The following RUNX1T1 variants were observed in gnomAD, a reference collection of about 807,000 sequenced individuals.
RUNX1T1 encodes protein CBFA2T1.
In RUNX1T1, 4 loss-of-function variants were observed where a neutral mutation model predicts 62.8. That is an observed-to-expected ratio of 0.06 (90% CI 0.03 to 0.15). RUNX1T1 has a LOEUF of 0.15. RUNX1T1 is among the 10% of genes least tolerant of loss of function. RUNX1T1 has a pLI of 1.00. For synonymous variants in RUNX1T1, 291 were observed against 286.0 expected, an observed-to-expected ratio of 1.02 and a Z score of -0.18; for missense variants, 508 against 754.3, an observed-to-expected ratio of 0.67 and a Z score of 3.82.
At chr8:92,066,465 T>G (rs1832891541), upstream of RUNX1T1, among the ~76,000 whole-genome samples, 1 of 152,212 alleles carries the variant, frequency 6.6e-6, no homozygotes, top group Admixed American at 6.5e-5. Flanking sequence ...CCAAAGGTTT[T>G]GATTTTCCAC....
chr8:92,067,766 TCA>T (rs1833087447), upstream of RUNX1T1, among the ~76,000 whole-genome samples: 2 of 152,220 alleles, frequency 1.3e-5, no homozygotes, highest in Non-Finnish European at 2.9e-5. Context: ...AGACAAAATA[TCA>T]CACTGAAAGT....
rs373869410 is a variant in RUNX1T1, at chr8:92,056,836, T to C, written c.7+5710A>G. ...TTGAATATATTATTTGCTTTCTAAT[T>C]TTCTACTAATCCAAAACACAGAAAA... On this transcript the variant is annotated intron_variant, in intron 1 of 10. Coordinates refer to ENST00000396218, the Ensembl canonical transcript of RUNX1T1. Among the ~76,000 whole-genome samples the C allele has an allele frequency of 3.3e-5, 5 of 152,270 alleles. No individual in the cohort carries two copies. In the East Asian group the frequency reaches 9.7e-4, roughly 29 times the overall value.
chr8:91,996,332 G>GCTGGGACTAC (rs1304625492), intron 5 of RUNX1T1, among the ~76,000 whole-genome samples: 1 of 152,120 alleles, frequency 6.6e-6, no homozygotes, highest in African/African-American at 2.4e-5. Flanking sequence ...CTCCTGAGTA[G>GCTGGGACTAC]CTGGGACTAC....
intron 9 of RUNX1T1, among the ~76,000 whole-genome samples, chr8:91,972,585 A>G (rs1252226725): frequency 1.3e-5 from 2 of 152,062 alleles, no homozygotes; most frequent in Non-Finnish European, 2.9e-5. Context: ...CCTTCTAACT[A>G]TACAGCCAGG....
chr8:92,012,501 T>C (rs1166450083), intron 3 of RUNX1T1, among the ~76,000 whole-genome samples: 1 of 152,026 alleles, frequency 6.6e-6, no homozygotes, highest in African/African-American at 2.4e-5. Context: ...GCGAATGCAT[T>C]GGGTGACAGA....
intron 1 of RUNX1T1, among the ~76,000 whole-genome samples, chr8:92,021,219 A>G (rs79003897): frequency 3.5e-4 from 54 of 152,346 alleles, no homozygotes; most frequent in African/African-American, 1.0e-3. Context: ...AAGTCCTGTA[A>G]CAGGAAACAG....
chr8:92,025,077 A>G (rs2131254388), intron 1 of RUNX1T1, among the ~76,000 whole-genome samples: 1 of 152,312 alleles, frequency 6.6e-6, no homozygotes, highest in South Asian at 2.1e-4. Context: ...CCCAAATTCT[A>G]GACCCAAACT....
At chr8:92,001,326 T>C (rs954381595) in intron 5 of RUNX1T1, among the ~76,000 whole-genome samples, 1 of 152,096 alleles carries the variant, frequency 6.6e-6, no homozygotes, top group African/African-American at 2.4e-5. Flanking sequence ...GCCCAGGAGT[T>C]TGAGACCAGC....
intron 1 of RUNX1T1, among the ~76,000 whole-genome samples, chr8:92,056,856 A>G (rs1831124772): frequency 6.6e-6 from 1 of 152,222 alleles, no homozygotes; most frequent in Admixed American, 6.5e-5. Flanking sequence ...TCCAAAACAC[A>G]GAAAACCATC....
chr8:92,092,740 T>C (rs954075688), intron 1 of RUNX1T1, among the ~76,000 whole-genome samples: 2 of 152,330 alleles, frequency 1.3e-5, no homozygotes, highest in Non-Finnish European at 1.5e-5. Flanking sequence ...AAACCTCTTT[T>C]ATAGTCAAAC....
At chr8:91,968,270 C>G (rs911135251) in intron 10 of RUNX1T1, among the ~76,000 whole-genome samples, 6 of 152,064 alleles carry the variant, frequency 3.9e-5, no homozygotes, top group Non-Finnish European at 8.8e-5. Context: ...AGACAGGACA[C>G]CTGACAGTGG....
chr8:92,002,419 A>G (rs1436511027), intron 5 of RUNX1T1, among the ~76,000 whole-genome samples: 1 of 152,176 alleles, frequency 6.6e-6, no homozygotes, highest in Non-Finnish European at 1.5e-5. Context: ...TTAAAGAAAA[A>G]AAACATAACC....
intron 1 of RUNX1T1, among the ~76,000 whole-genome samples, chr8:92,090,640 G>A (rs1453716597): frequency 6.6e-6 from 1 of 152,140 alleles, no homozygotes; most frequent in Non-Finnish European, 1.5e-5. Context: ...GGTGAAGAGG[G>A]GATAACTGAA....
chr8:92,014,839 C>A lies in RUNX1T1; in HGVS notation c.146-19G>T, dbSNP rs2131141259. 1 of 1,581,510 alleles carries A rather than the reference C, an allele frequency of 6.3e-7. No homozygotes were observed. The highest frequency in any genetic ancestry group is 1.1e-5 in the South Asian group (1 of 87,310). ...TTAGTTACTGTCAAGAGCACAAAAT[C>A]AGAAGGAAGTCATAAACTTACAGAG... is the stretch of plus-strand genomic sequence containing the variant. On this transcript the variant is annotated intron_variant, in intron 2 of 10. Transcript: ENST00000396218.
chr8:92,093,170 G>C (rs1837291213), intron 1 of RUNX1T1, among the ~76,000 whole-genome samples: 1 of 152,094 alleles, frequency 6.6e-6, no homozygotes, highest in Admixed American at 6.5e-5. Context: ...ATTGTATAAA[G>C]GACTAGTTTT....
At chr8:92,037,326 A>G (rs1384197628) in intron 1 of RUNX1T1, among the ~76,000 whole-genome samples, 2 of 152,192 alleles carry the variant, frequency 1.3e-5, no homozygotes, top group African/African-American at 2.4e-5. Context: ...CCATAAATAC[A>G]TAGTAGGTAT....
intron 9 of RUNX1T1, among the ~76,000 whole-genome samples, chr8:91,971,822 G>T (rs1812897750): frequency 2.0e-5 from 3 of 152,126 alleles, no homozygotes; most frequent in Admixed American, 6.5e-5. Flanking sequence ...TGAGGAAAGG[G>T]TGCAAAGATT....
intron 1 of RUNX1T1, among the ~76,000 whole-genome samples, chr8:92,019,639 C>A (rs936195825): frequency 1.3e-5 from 2 of 152,030 alleles, no homozygotes; most frequent in Non-Finnish European, 2.9e-5. Flanking sequence ...TAAACTTAAA[C>A]ATATTTGAAG....
intron 1 of RUNX1T1, among the ~76,000 whole-genome samples, chr8:92,092,449 C>G (rs1004159543): frequency 3.3e-5 from 5 of 152,186 alleles, no homozygotes; most frequent in East Asian, 3.9e-4. Context: ...TTTATTTAAG[C>G]ATGGAAAAGA....
Sources: allele counts gnomAD v4.1 joint callset (sites outside exome capture counted in the v4.1 genomes callset), GRCh38; gene constraint gnomAD v4.1.1; transcripts MANE v1.5; gene names NCBI Gene and HGNC (gene_info 2026-07-23, HGNC 2026-07-21).